Variants in MATN2 observed in about 807,000 individuals in gnomAD.
MATN2 encodes the protein matrilin 2.
In MATN2, 69 loss-of-function variants were observed where a neutral mutation model predicts 103.2. The observed-to-expected ratio is 0.67, with a 90% confidence interval of 0.55 to 0.82. MATN2 has a LOEUF of 0.82. Ranked by LOEUF, MATN2 falls within the 40% of genes least tolerant of loss-of-function variation. The pLI is 0.00. For missense variants in MATN2, 1,023 were observed against 1,211.5 expected, an observed-to-expected ratio of 0.84 and a Z score of 2.31; for synonymous variants, 429 against 450.2, an observed-to-expected ratio of 0.95 and a Z score of 0.60.
In MATN2 at chr8:97,875,095, A is replaced by G. The variant is rs192292723; in HGVS notation, c.-27+5808A>G. ...GGATCATCTCCCCTTTTTTAAGGTC[A>G]TCTGATTAGCAACCTTAATTCCCTT... On this transcript the variant is annotated intron_variant, in intron 1 of 18. Transcript: ENST00000254898. Among the ~76,000 whole-genome samples the G allele has an allele frequency of 1.1e-4, 16 of 152,200 alleles. No individual in the cohort carries two copies. In the East Asian group the frequency reaches 3.1e-3, roughly 29 times the overall value.
Position 97,995,650 on chromosome 8 carries a change from A to G in MATN2, c.1204+1048A>G, listed in dbSNP as rs193059134. 2.6e-5 allele frequency among the ~76,000 whole-genome samples: 4 copies of G among 152,350 alleles called. No individual in the cohort carries two copies. In the East Asian group the frequency reaches 7.7e-4, roughly 29 times the overall value. On this transcript the variant is annotated intron_variant, in intron 7 of 18. Transcript: ENST00000254898. ...AAGACTGCGTTTTGAAAGGTTTCAC[A>G]TATATCTTTTTTGAAAAGCACCATG...
At chr8:97,903,818 C>T (rs778394335) in intron 2 of MATN2, among the ~76,000 whole-genome samples, 15 of 152,130 alleles carry the variant, frequency 9.9e-5, no homozygotes, top group South Asian at 8.3e-4. Flanking sequence ...CCCAAGGGGA[C>T]GGAGATAGGA....
At chr8:98,034,456 G>A (rs1253808184) in intron 18 of MATN2, 1 of 267,864 alleles carries the variant, frequency 3.7e-6, no homozygotes, top group Non-Finnish European at 7.8e-6. Context: ...ATGTAATAAG[G>A]AACAACAGCA....
At chr8:97,920,915 C>T (rs1439789534) in intron 2 of MATN2, among the ~76,000 whole-genome samples, 5 of 152,158 alleles carry the variant, frequency 3.3e-5, no homozygotes, top group African/African-American at 4.8e-5. Flanking sequence ...TTAGGGGTGT[C>T]GGTCACAGAT....
chr8:97,990,649 A>G (rs1812362572), intron 6 of MATN2, among the ~76,000 whole-genome samples: 1 of 152,400 alleles, frequency 6.6e-6, no homozygotes, highest in African/African-American at 2.4e-5. Context: ...AAAAAGGAAC[A>G]AACTATTGAC....
At chr8:97,889,161 G>A (rs898879819) in intron 2 of MATN2, among the ~76,000 whole-genome samples, 11 of 152,020 alleles carry the variant, frequency 7.2e-5, no homozygotes, top group African/African-American at 2.7e-4. Flanking sequence ...CCCCTGCAAA[G>A]GCTACTAAGA....
At chr8:98,017,849 A>G (rs964474542) in intron 11 of MATN2, 145 bp from the exon 12 acceptor site, 7 of 819,752 alleles carry the variant, frequency 8.5e-6, no homozygotes, top group Non-Finnish European at 1.4e-5. Flanking sequence ...CTTTGTTCTC[A>G]ATTGTAACTT....
At chr8:97,881,983 G>A (rs1310113560) in intron 1 of MATN2, among the ~76,000 whole-genome samples, 1 of 132,736 alleles carries the variant, frequency 7.5e-6, no homozygotes, top group Non-Finnish European at 1.6e-5. Context: ...GTGCAATGGT[G>A]TGATCTTGGC....
chr8:98,032,995 C>T, intron 16 of MATN2, 47 bp from the exon 17 acceptor site: 5 of 1,563,190 alleles, frequency 3.2e-6, no homozygotes, highest in Non-Finnish European at 4.3e-6. Context: ...TGTTTTATAA[C>T]CAAAAGCGTT....
At chr8:98,031,081 A>G (rs1814000435) in intron 15 of MATN2, among the ~76,000 whole-genome samples, 2 of 152,224 alleles carry the variant, frequency 1.3e-5, no homozygotes, top group African/African-American at 4.8e-5. Context: ...TCCCACCTGT[A>G]ACCCAACCAT....
At chr8:97,984,084 G>A (rs1812117516) in intron 6 of MATN2, among the ~76,000 whole-genome samples, 1 of 152,186 alleles carries the variant, frequency 6.6e-6, no homozygotes, top group African/African-American at 2.4e-5. Flanking sequence ...GACTCCCTAT[G>A]TGGATAAATC....
chr8:98,016,588 T>A lies in MATN2; in HGVS notation c.1622T>A (p.Val541Glu), dbSNP rs1396069094. 1.2e-6 allele frequency: 2 copies of A among 1,611,674 alleles called. No individual in the cohort carries two copies. Among genetic ancestry groups the A allele is most frequent in the Non-Finnish European group, 1.7e-6 (2 of 1,178,864 alleles). Residue 541 changes from valine (V) to glutamate (E), a missense_variant, in exon 11 of 19, where the codon GTA becomes GAA. By Grantham distance (121) the Val-to-Glu change is moderately radical. Coordinates refer to ENST00000254898, the MANE Select transcript of MATN2 (RefSeq NM_002380.5). ...LGDHGCEHSCVSSEDSFVCQC... is the reference protein window; with the variant it reads ...LGDHGCEHSCESSEDSFVCQC... ...GACCACGGTTGTGAACATTCGTGTG[T>A]AAGCAGTGAAGATTCGTTTGTGTGC...
chr8:97,913,807 G>T (rs887688702), intron 2 of MATN2, among the ~76,000 whole-genome samples: 91 of 152,194 alleles, frequency 6.0e-4, no homozygotes, highest in African/African-American at 1.6e-3. Flanking sequence ...TACAGATGGG[G>T]TTTTGCCATG....
At chr8:97,954,887 A>G (rs1811094609) in intron 4 of MATN2, among the ~76,000 whole-genome samples, 3 of 152,324 alleles carry the variant, frequency 2.0e-5, no homozygotes, top group African/African-American at 7.2e-5. Context: ...GAGGATTACA[A>G]ATGGAAACTC....
rs1011069388 is a variant in MATN2 at position 98,007,072 on chromosome 8, C to T, written c.1328-33C>T. On this transcript the variant is annotated intron_variant, in intron 8 of 18. Coordinates refer to ENST00000254898, the MANE Select transcript of MATN2 (RefSeq NM_002380.5). This position sits in a 1 kb window ranked among gnomAD's most constrained non-coding sequence, Gnocchi z 4.2. ...TGCTGGTGGGGTATTGCCCCCTCGG[C>T]TCCTCTATGCTTTCGCGTGTGTGAA... 1.9e-6 allele frequency: 3 copies of T among 1,573,234 alleles called. No individual in the cohort carries two copies. Among genetic ancestry groups the T allele is most frequent in the Non-Finnish European group, 2.6e-6 (3 of 1,156,880 alleles).
chr8:98,003,821 G>A, intron 8 of MATN2, 38 bp downstream of exon 8: 1 of 1,612,448 alleles, frequency 6.2e-7, no homozygotes, highest in Non-Finnish European at 8.5e-7. Context: ...GATGGAAGGT[G>A]GGGTCCACTC....
At chr8:97,976,293 G>C (rs1811835583) in intron 5 of MATN2, among the ~76,000 whole-genome samples, 2 of 152,026 alleles carry the variant, frequency 1.3e-5, no homozygotes, top group African/African-American at 4.8e-5. Flanking sequence ...ATTTTTAGTA[G>C]AGACAGGGTT....
chr8:97,931,732 A>G lies in MATN2; in HGVS notation c.712+210A>G, dbSNP rs950053592. On this transcript the variant is annotated intron_variant, in intron 3 of 18. Transcript: ENST00000254898. The surrounding 1 kb of genome is among the most constrained non-coding windows in gnomAD (Gnocchi z 4.1). The stretch of plus-strand genomic sequence containing the variant: ...TTATTTATCTTTTAGAGACAGGGTC[A>G]TGCTCTGTCACCCAGGCTGTAGTGC... 1.4e-4 allele frequency among the ~76,000 whole-genome samples: 22 copies of G among 152,188 alleles called. No homozygotes were observed. Among genetic ancestry groups the G allele is most frequent in the African/African-American group, 5.1e-4 (21 of 41,452 alleles).
chr8:97,932,251 C>T (rs958484810), intron 3 of MATN2, among the ~76,000 whole-genome samples: 5 of 152,002 alleles, frequency 3.3e-5, no homozygotes, highest in African/African-American at 9.7e-5. Context: ...AGTTGGAGTA[C>T]GGATAGGAAT....
Sources: gnomAD v4.1 joint callset for allele counts (sites outside exome capture counted in the v4.1 genomes callset) on GRCh38, gnomAD v4.1.1 for gene constraint, Gnocchi (gnomAD v3.1) non-coding constraint, MANE v1.5 for transcripts, NCBI Gene and HGNC (gene_info 2026-07-23, HGNC 2026-07-21) for gene names.